The following TBC1D21 variants were observed in gnomAD, a reference collection of about 807,000 sequenced individuals.
TBC1D21 encodes male germ cell Rab GTPase-activating protein.
A neutral mutation model predicts 46.0 loss-of-function variants in TBC1D21; 38 were observed. The observed-to-expected ratio is 0.83, with a 90% CI of 0.64 to 1.08. The LOEUF (loss-of-function observed/expected upper bound fraction) is 1.08. Among genes scored for constraint, TBC1D21 ranks in the 50% least tolerant of loss-of-function variants. The pLI is 0.00. For synonymous variants in TBC1D21, 151 were observed against 157.2 expected (o/e 0.96, Z 0.29); for missense variants, 415 against 417.9 (o/e 0.99, Z 0.06).
rs745320997 is a variant in TBC1D21 at position 73,886,069 on chromosome 15, C to G, written c.580-9C>G. ...GGGGACTCAGTCTGTCTCCCACCAT[C>G]GTGTGCAGGAACACAGCTGTGTCAT... On this transcript the variant is annotated splice_polypyrimidine_tract_variant and intron_variant, in intron 6 of 10. Transcript: ENST00000300504. 19 of 1,613,550 alleles carry G rather than the reference C, an allele frequency of 1.2e-5. No homozygotes were observed. The South Asian group carries it at 2.0e-4, about 17-fold the overall frequency.
At chr15:73,888,582 T>G (rs868668054) in intron 10 of TBC1D21, 69 bp downstream of exon 10, 12 of 823,602 alleles carry the variant, frequency 1.5e-5, no homozygotes, top group African/African-American at 2.5e-5. Context: ...CCTCCTCCTC[T>G]TCCTCCTCCT....
At chr15:73,904,674 G>A in the TBC1D21 span, among the ~76,000 whole-genome samples, 1 of 152,284 alleles carries the variant, frequency 6.6e-6, no homozygotes, top group Admixed American at 6.5e-5. Flanking sequence ...GGAGCCAGGG[G>A]TCAGAGTGCA....
chr15:73,898,955 A>C, the TBC1D21 span, among the ~76,000 whole-genome samples: 1 of 149,024 alleles, frequency 6.7e-6, no homozygotes, highest in East Asian at 1.9e-4. Context: ...TATGGACCCA[A>C]TATAAAATAA....
At chr15:73,878,665 G>A (rs4886725) in intron 1 of TBC1D21, among the ~76,000 whole-genome samples, 43,374 of 152,004 alleles carry the variant, frequency 0.29, 6,863 homozygotes, top group East Asian at 0.7. Context: ...CAGGTCAGAG[G>A]ACTCAATAAT....
chr15:73,888,947 C>T, intron 10 of TBC1D21, 122 bp from the exon 11 acceptor site: 2 of 1,176,694 alleles, frequency 1.7e-6, no homozygotes, highest in East Asian at 2.5e-5. Context: ...TCCCCCATTC[C>T]CTGTGTCCAT....
intron 4 of TBC1D21, 59 bp downstream of exon 4, chr15:73,884,304 C>G (rs902125334): frequency 5.0e-5 from 73 of 1,454,556 alleles, no homozygotes; most frequent in Non-Finnish European, 6.6e-5. Flanking sequence ...CAACCCTGCC[C>G]CCTTCTCAGC....
chr15:73,877,612 A>G (rs1297288150), intron 1 of TBC1D21, among the ~76,000 whole-genome samples: 4 of 152,012 alleles, frequency 2.6e-5, no homozygotes, highest in African/African-American at 9.6e-5. Context: ...AGATCTTACA[A>G]GAAAAGAAAC....
At chr15:73,876,163 T>A in intron 1 of TBC1D21, among the ~76,000 whole-genome samples, 1 of 149,488 alleles carries the variant, frequency 6.7e-6, no homozygotes. Flanking sequence ...AGAAATGGAG[T>A]TTCCTAGAAG....
At chr15:73,882,463 C>A (rs940856120) in intron 3 of TBC1D21, among the ~76,000 whole-genome samples, 3 of 152,156 alleles carry the variant, frequency 2.0e-5, no homozygotes, top group African/African-American at 7.2e-5. Flanking sequence ...GGCTTTCTAT[C>A]ATCTGCCTAT....
chr15:73,894,668 G>A, the TBC1D21 span, among the ~76,000 whole-genome samples: 1 of 152,180 alleles, frequency 6.6e-6, no homozygotes. Flanking sequence ...AGTGTTGTGA[G>A]GGGAGAGGCG....
At chr15:73,907,030 G>A in the TBC1D21 span, among the ~76,000 whole-genome samples, 1 of 152,122 alleles carries the variant, frequency 6.6e-6, no homozygotes, top group African/African-American at 2.4e-5. Context: ...ACCCAACTCT[G>A]AGGGTAAGGA....
intron 3 of TBC1D21, among the ~76,000 whole-genome samples, chr15:73,882,275 C>T (rs2068169652): frequency 1.3e-5 from 2 of 152,162 alleles, no homozygotes; most frequent in Non-Finnish European, 2.9e-5. Context: ...TCAAATAGCA[C>T]ATCTTCTCTT....
At chr15:73,908,231 A>C in the TBC1D21 span, 3 of 152,310 alleles carry the variant, frequency 2.0e-5, no homozygotes, top group Non-Finnish European at 4.4e-5. Flanking sequence ...CACACCACAC[A>C]CACACATAAA....
At chr15:73,896,361 A>G in the TBC1D21 span, among the ~76,000 whole-genome samples, 1 of 87,058 alleles carries the variant, frequency 1.1e-5, no homozygotes, top group African/African-American at 3.5e-5. Flanking sequence ...AAGGATAGAA[A>G]TGATGACAAT....
chr15:73,892,351 C>A (rs1005751626), downstream of TBC1D21, among the ~76,000 whole-genome samples: 1 of 152,194 alleles, frequency 6.6e-6, no homozygotes, highest in Non-Finnish European at 1.5e-5. Flanking sequence ...TGAAACCCAC[C>A]CCTTGCTTGC....
intron 1 of TBC1D21, among the ~76,000 whole-genome samples, chr15:73,877,551 G>C (rs55737524): frequency 0.54 from 40,157 of 74,916 alleles, 11,979 homozygotes; most frequent in Middle Eastern, 0.64. Context: ...AAAAAAAAAA[G>C]AAATCCCTAC....
chr15:73,887,690 G>A lies in TBC1D21; in HGVS notation c.848G>A (p.Arg283Gln), dbSNP rs772392463. The A allele has an allele frequency of 8.1e-6, 13 of 1,613,852 alleles. No homozygotes were observed. Among genetic ancestry groups the A allele is most frequent in the East Asian group, 4.5e-5 (2 of 44,888 alleles). The change falls in exon 9 of 11, where the codon CGG (arginine) becomes CAG (glutamine). Residue 283 changes from arginine (R) to glutamine (Q), a missense_variant. Arg to Gln is a conservative substitution (Grantham distance 43). Transcript: ENST00000300504. Reference sequence around the variant, plus strand: ...GCCTACAGCATGCTGCAGATGGTGCGGGAGCAGGTGCTGCAGGAAAGCATG... The same window carrying A: ...GCCTACAGCATGCTGCAGATGGTGCAGGAGCAGGTGCTGCAGGAAAGCATG... ...LVAYSMLQMV[R>Q]EQVLQESMGG...
Position 73,881,453 on chromosome 15 carries a change from A to T in TBC1D21, c.115A>T (p.Ser39Cys), listed in dbSNP as rs762572756. 1 of 1,614,226 alleles carries T rather than the reference A, an allele frequency of 6.2e-7. No individual in the cohort carries two copies. Among genetic ancestry groups the T allele is most frequent in the Admixed American group, 1.7e-5 (1 of 60,026 alleles). ...AGAATGGGACAGCTTCTTTGATGAGAGTGGCCACTTGGCCAAATCACGGGA... is the reference window on the plus strand; with the variant it reads ...AGAATGGGACAGCTTCTTTGATGAGTGTGGCCACTTGGCCAAATCACGGGA... ...KTEWDSFFDE[S>C]GHLAKSRDFI... Residue 39 changes from serine to cysteine, a missense_variant, in exon 2 of 11, where the codon AGT becomes TGT. Physicochemically the swap from Ser to Cys is moderately radical, Grantham distance 112 (BLOSUM62 -1). Coordinates refer to ENST00000300504, the MANE Select transcript of TBC1D21 (RefSeq NM_153356.3).
In TBC1D21 at chr15:73,887,703, G is replaced by C; in HGVS notation, c.861G>C (p.Leu287=). 1 of 1,613,868 alleles carries C rather than the reference G, an allele frequency of 6.2e-7. No homozygotes were observed. Among genetic ancestry groups the C allele is most frequent in the Non-Finnish European group, 8.5e-7 (1 of 1,179,888 alleles). ...TGCAGATGGTGCGGGAGCAGGTGCT[G>C]CAGGAAAGCATGGGCGGGGATGACA... The part of the protein sequence containing the change: ...SMLQMVREQV[L]QESMGGDDIL... Residue 287 remains leucine, a synonymous_variant, in exon 9 of 11, where the codon CTG becomes CTC. Coordinates refer to ENST00000300504, the MANE Select transcript of TBC1D21 (RefSeq NM_153356.3).
Sources: gnomAD v4.1 joint callset for allele counts (sites outside exome capture counted in the v4.1 genomes callset) on GRCh38, gnomAD v4.1.1 for gene constraint, MANE v1.5 for transcripts, NCBI Gene and HGNC (gene_info 2026-07-23, HGNC 2026-07-21) for gene names.